Variants in RCAN2 observed in about 807,000 individuals in gnomAD.
RCAN2 encodes regulator of calcineurin 2.
Under a neutral mutation model 23.6 loss-of-function variants are expected in RCAN2, and 9 were observed. That is an observed-to-expected ratio of 0.38 (90% CI 0.23 to 0.67). RCAN2 has a LOEUF of 0.67. Ranked by LOEUF, RCAN2 falls within the 30% of genes least tolerant of loss-of-function variation. The pLI, the probability that RCAN2 is intolerant of heterozygous loss-of-function variation, is 0.51. For missense variants in RCAN2, 273 were observed against 302.3 expected (o/e 0.90, Z 0.72); for synonymous variants, 109 against 115.7 (o/e 0.94, Z 0.37).
chr6:46,306,727 G>A (rs1202009081), intron 2 of RCAN2, among the ~76,000 whole-genome samples: 8 of 152,080 alleles, frequency 5.3e-5, no homozygotes, highest in South Asian at 4.1e-4. Context: ...CTCACTAAAC[G>A]TTTCTGGAAG....
At chr6:46,239,751 A>G (rs1379351274) in intron 4 of RCAN2, among the ~76,000 whole-genome samples, 2 of 152,134 alleles carry the variant, frequency 1.3e-5, no homozygotes, top group South Asian at 2.1e-4. Flanking sequence ...TAGTTTTGGT[A>G]TAAGGGGAGC....
chr6:46,377,752 GT>G (rs1264768973), intron 2 of RCAN2, among the ~76,000 whole-genome samples: 2 of 152,130 alleles, frequency 1.3e-5, no homozygotes, highest in African/African-American at 4.8e-5. Flanking sequence ...ATTTTGACAA[GT>G]TCAGGAAGTC....
At chr6:46,257,715 A>C (rs553857061) in intron 2 of RCAN2, among the ~76,000 whole-genome samples, 1 of 152,298 alleles carries the variant, frequency 6.6e-6, no homozygotes, top group African/African-American at 2.4e-5. Context: ...TTACAATTCT[A>C]GATGAGATTT....
chr6:46,389,800 C>T (rs1463298402), intron 2 of RCAN2, among the ~76,000 whole-genome samples: 1 of 152,028 alleles, frequency 6.6e-6, no homozygotes, highest in African/African-American at 2.4e-5. Flanking sequence ...AACAGCCATG[C>T]CTTTAGTTAG....
intron 2 of RCAN2, among the ~76,000 whole-genome samples, chr6:46,265,390 G>T (rs1335731243): frequency 1.3e-5 from 2 of 152,150 alleles, no homozygotes; most frequent in South Asian, 4.1e-4. Context: ...AAATTTGACT[G>T]AGAATTCCCT....
intron 2 of RCAN2, among the ~76,000 whole-genome samples, chr6:46,429,358 A>G (rs17216646): frequency 0.038 from 5,726 of 152,278 alleles, 182 homozygotes; most frequent in Non-Finnish European, 0.055. Context: ...AGTCCCACCT[A>G]TGATAGATCT....
Position 46,443,443 on chromosome 6 carries a change from T to C in RCAN2, c.225+13309A>G, listed in dbSNP as rs1767611893. ...CGAGATTTTAGCTTTTATTGTTACC[T>C]TTTAAAAATGTATTTATTACAGTAA... On this transcript the variant is annotated intron_variant, in intron 2 of 4. Coordinates refer to ENST00000371374, the MANE Select transcript of RCAN2 (RefSeq NM_001251974.2). Among the ~76,000 whole-genome samples, 3 of 152,234 alleles carry C rather than the reference T, an allele frequency of 2.0e-5. No homozygotes were observed. In the South Asian group the frequency reaches 6.2e-4, roughly 31 times the overall value.
intron 1 of RCAN2, among the ~76,000 whole-genome samples, chr6:46,478,760 C>T (rs1356075305): frequency 6.6e-6 from 1 of 152,198 alleles, no homozygotes; most frequent in Admixed American, 6.5e-5. Context: ...TCAAAAGTAA[C>T]TAATGTAGTC....
chr6:46,405,049 T>C (rs1766358173), intron 2 of RCAN2, among the ~76,000 whole-genome samples: 1 of 152,176 alleles, frequency 6.6e-6, no homozygotes, highest in Non-Finnish European at 1.5e-5. Context: ...TGAAAGCGTG[T>C]CCAGAATTGG....
intron 2 of RCAN2, among the ~76,000 whole-genome samples, chr6:46,329,008 T>C (rs1763879814): frequency 6.6e-6 from 1 of 152,186 alleles, no homozygotes; most frequent in Non-Finnish European, 1.5e-5. Flanking sequence ...TTGTAAACAC[T>C]AGACTTGGAT....
At chr6:46,418,185 A>G (rs1477080224) in intron 2 of RCAN2, among the ~76,000 whole-genome samples, 2 of 151,834 alleles carry the variant, frequency 1.3e-5, no homozygotes, top group African/African-American at 4.9e-5. Flanking sequence ...TCTAACGTCC[A>G]TTATAAGGTC....
chr6:46,329,761 A>G (rs1363829359), intron 2 of RCAN2, among the ~76,000 whole-genome samples: 1 of 152,184 alleles, frequency 6.6e-6, no homozygotes, highest in African/African-American at 2.4e-5. Context: ...GGATTCATCC[A>G]AACCACTGCT....
Position 46,446,733 on chromosome 6 carries a change from G to GT in RCAN2, c.225+10018dup, listed in dbSNP as rs565273151. Among the ~76,000 whole-genome samples, 86 of 152,196 alleles carry GT rather than the reference G, an allele frequency of 5.7e-4. 1 individual carries two copies. Among genetic ancestry groups the GT allele is most frequent in the African/African-American group, 2.0e-3 (85 of 41,536 alleles). On this transcript the variant is annotated intron_variant, in intron 2 of 4. Transcript: ENST00000371374. ...GCGGAAAGAGGAGTAAAATTATTGAGTTTTTTCATGTGATCAAATTGTCAG... is the reference window on the plus strand; with the variant it reads ...GCGGAAAGAGGAGTAAAATTATTGAGTTTTTTTCATGTGATCAAATTGTCAG...
intron 4 of RCAN2, among the ~76,000 whole-genome samples, chr6:46,231,602 G>C (rs559924052): frequency 1.5e-4 from 23 of 152,206 alleles, no homozygotes; most frequent in Admixed American, 8.5e-4. Context: ...TAGAGACGGA[G>C]TTTCACCATG....
At chr6:46,228,342 C>G (rs943702173) in intron 4 of RCAN2, among the ~76,000 whole-genome samples, 4 of 152,052 alleles carry the variant, frequency 2.6e-5, no homozygotes, top group Non-Finnish European at 5.9e-5. Context: ...TTAACTTTCT[C>G]TCTCGTTGAT....
chr6:46,302,298 T>C (rs1762927434), intron 2 of RCAN2, among the ~76,000 whole-genome samples: 1 of 152,084 alleles, frequency 6.6e-6, no homozygotes, highest in Non-Finnish European at 1.5e-5. Flanking sequence ...CTCAGAGTTC[T>C]GTTTTGGCCA....
chr6:46,257,943 C>T (rs182061163), intron 2 of RCAN2, among the ~76,000 whole-genome samples: 17 of 152,348 alleles, frequency 1.1e-4, no homozygotes, highest in Admixed American at 9.2e-4. Context: ...TCCAAAAGAA[C>T]AGTGCTGACT....
At chr6:46,255,927 T>C (rs1420976348) in intron 2 of RCAN2, among the ~76,000 whole-genome samples, 1 of 152,196 alleles carries the variant, frequency 6.6e-6, no homozygotes, top group Non-Finnish European at 1.5e-5. Flanking sequence ...ATAATCTGCC[T>C]AGCAATGTGT....
chr6:46,262,823 T>C (rs536970719), intron 2 of RCAN2, among the ~76,000 whole-genome samples: 1 of 152,324 alleles, frequency 6.6e-6, no homozygotes, highest in African/African-American at 2.4e-5. Flanking sequence ...CAGGTTATTC[T>C]GTGCCTGCAA....
Sources: allele counts gnomAD v4.1 joint callset (sites outside exome capture counted in the v4.1 genomes callset), GRCh38; gene constraint gnomAD v4.1.1; transcripts MANE v1.5; gene names NCBI Gene and HGNC (gene_info 2026-07-23, HGNC 2026-07-21).